The following RET variants were observed in gnomAD, a reference collection of about 807,000 sequenced individuals.
RET encodes proto-oncogene tyrosine-protein kinase receptor Ret.
A neutral mutation model predicts 118.3 loss-of-function variants in RET; 19 were observed. The ratio of observed to expected loss-of-function variants is 0.16; its 90% CI spans 0.11 to 0.24. The LOEUF (loss-of-function observed/expected upper bound fraction) is 0.24, where lower values mean the gene tolerates loss of function less well. RET is among the 10% of genes least tolerant of loss of function. The pLI is 1.00. For missense variants in RET, 1,219 were observed against 1,502.1 expected, an observed-to-expected ratio of 0.81 and a Z score of 3.12; for synonymous variants, 597 against 644.1, an observed-to-expected ratio of 0.93 and a Z score of 1.11.
At position 43,111,399 on chromosome 10, in the gene RET, G is replaced by T. The variant is rs1588871361; in HGVS notation, c.1456G>T (p.Val486Leu). ...PKCAELHYMVVATDQQTSRQA... is the reference protein window; with the variant it reads ...PKCAELHYMVLATDQQTSRQA... ...GTGTGCCGAACTTCACTACATGGTGGTGGCCACCGACCAGCAGACCTCTAG... is the reference window on the plus strand; with the variant it reads ...GTGTGCCGAACTTCACTACATGGTGTTGGCCACCGACCAGCAGACCTCTAG... The change falls in exon 7 of 20, where the codon GTG becomes TTG. Residue 486 changes from valine (V) to leucine (L), a missense_variant. Val to Leu is a conservative substitution (Grantham distance 32). Transcript: ENST00000355710. 2 of 1,614,016 alleles carry T rather than the reference G, an allele frequency of 1.2e-6. No homozygotes were observed. The highest frequency in any genetic ancestry group is 1.7e-6 in the Non-Finnish European group (2 of 1,180,028).
rs546866208 is a variant in RET, at chr10:43,109,085, C to A, written c.1118C>A (p.Ala373Glu). The A allele has an allele frequency of 1.2e-6, 2 of 1,613,756 alleles. No individual in the cohort carries two copies. Among genetic ancestry groups the A allele is most frequent in the Non-Finnish European group, 1.7e-6 (2 of 1,180,024 alleles). The change falls in exon 6 of 20, where the codon GCG becomes GAG. Residue 373 changes from alanine (A) to glutamate (E), a missense_variant. Ala to Glu is a moderately radical substitution (Grantham distance 107, BLOSUM62 -1). Transcript: ENST00000355710. ...TCGGAGAACCGCACCATGCAGCTGG[C>A]GGTGCTGGTCAATGACTCAGACTTC... Reference protein sequence around the residue: ...SISENRTMQLAVLVNDSDFQG... With the variant: ...SISENRTMQLEVLVNDSDFQG...
In RET at chr10:43,106,837, C is replaced by T. The variant is rs936134324; in HGVS notation, c.1063+266C>T. On this transcript the variant is annotated intron_variant, in intron 5 of 19. Transcript: ENST00000355710. This position sits in a 1 kb window ranked among gnomAD's most constrained non-coding sequence, Gnocchi z 5.1. ...GGGCCCCACCACACCCCCCTGCTGA[C>T]CTCACCAGGGCTCACCACCGACTGC... Among the ~76,000 whole-genome samples, 4 of 152,144 alleles carry T rather than the reference C, an allele frequency of 2.6e-5. No individual in the cohort carries two copies. Among genetic ancestry groups the T allele is most frequent in the Non-Finnish European group, 5.9e-5 (4 of 68,022 alleles).
chr10:43,118,996 G>A (rs948848141), intron 13 of RET, among the ~76,000 whole-genome samples: 2 of 152,224 alleles, frequency 1.3e-5, no homozygotes, highest in East Asian at 1.9e-4. Context: ...CCCAGCATGC[G>A]TGTGTGGGTG....
chr10:43,089,757 C>G (rs1236334669), intron 1 of RET, among the ~76,000 whole-genome samples: 1 of 152,240 alleles, frequency 6.6e-6, no homozygotes, highest in Non-Finnish European at 1.5e-5. Context: ...CGGGGCCCTC[C>G]TCTGGCTCAT....
chr10:43,085,995 C>G (rs1837280737), intron 1 of RET, among the ~76,000 whole-genome samples: 1 of 152,214 alleles, frequency 6.6e-6, no homozygotes. Flanking sequence ...AGAGCAGACC[C>G]TCAAGCCTTT....
intron 1 of RET, among the ~76,000 whole-genome samples, chr10:43,091,875 G>A (rs1837419335): frequency 6.8e-6 from 1 of 146,988 alleles, no homozygotes; most frequent in Non-Finnish European, 1.5e-5. Flanking sequence ...TGAAGAAACT[G>A]AACCCTTGCG....
At chr10:43,098,679 C>T (rs1240992030) in intron 1 of RET, among the ~76,000 whole-genome samples, 1 of 152,218 alleles carries the variant, frequency 6.6e-6, no homozygotes, top group African/African-American at 2.4e-5. Flanking sequence ...ACCTAGGCCT[C>T]CGAAAGTATT....
chr10:43,077,483 C>A, intron 1 of RET, 152 bp downstream of exon 1: 1 of 728,010 alleles, frequency 1.4e-6, no homozygotes, highest in Non-Finnish European at 1.8e-6. Context: ...AGCGCAGTGG[C>A]TGCGGCGGGC....
chr10:43,121,916 T>C (rs761773540), intron 15 of RET, 30 bp from the exon 16 acceptor site: 1 of 1,563,794 alleles, frequency 6.4e-7, no homozygotes, highest in Non-Finnish European at 8.8e-7. Context: ...TTAGAGTAAC[T>C]TCAATGTCTT....
At chr10:43,107,559 TCACA>T (rs59876947) in intron 5 of RET, among the ~76,000 whole-genome samples, 22,616 of 140,468 alleles carry the variant, frequency 0.16, 1,788 homozygotes, top group African/African-American at 0.19. Context: ...CCCCCATGCC[TCACA>T]CACACACACA....
chr10:43,083,473 C>T (rs958749745), intron 1 of RET, among the ~76,000 whole-genome samples: 44 of 152,324 alleles, frequency 2.9e-4, no homozygotes, highest in African/African-American at 1.0e-3. Context: ...GCCCTTGTGC[C>T]TGGCTATGTG....
intron 3 of RET, chr10:43,102,862 T>C (rs1837673112): frequency 1.2e-5 from 7 of 604,528 alleles, no homozygotes; most frequent in Non-Finnish European, 2.0e-5. Context: ...CTTTCATTCT[T>C]GTGGGGCAGA....
rs1205703835 is a variant in RET, at chr10:43,102,489, C to G, written c.485C>G (p.Pro162Arg). The stretch of plus-strand genomic sequence containing the variant: ...TTTCCAGCCTGCAGCTCCCTCAAGC[C>G]CCGGGAGCTCTGCTTCCCAGAGACA... ...TSFPACSSLK[P>R]RELCFPETRP... Residue 162 changes from proline to arginine, a missense_variant, in exon 3 of 20, where the codon CCC becomes CGC. Pro to Arg is a moderately radical substitution (Grantham distance 103, BLOSUM62 -2). Around this residue, in one of 5 missense-constraint regions of RET, gnomAD observed 850 missense variants for 969.6 expected, o/e 0.88. Transcript: ENST00000355710. 4.3e-6 allele frequency: 7 copies of G among 1,614,210 alleles called. No homozygotes were observed. Among genetic ancestry groups the G allele is most frequent in the Non-Finnish European group, 5.9e-6 (7 of 1,180,034 alleles).
chr10:43,095,037 A>C (rs1837493792), intron 1 of RET, among the ~76,000 whole-genome samples: 1 of 152,066 alleles, frequency 6.6e-6, no homozygotes, highest in South Asian at 2.1e-4. Flanking sequence ...GGGGGTGGGG[A>C]GAGCTCTGTG....
chr10:43,103,543 C>T (rs2132691424), intron 3 of RET, among the ~76,000 whole-genome samples: 1 of 152,250 alleles, frequency 6.6e-6, no homozygotes, highest in African/African-American at 2.4e-5. Context: ...GGAAGTGGGG[C>T]TCAACCAGGT....
chr10:43,087,648 A>G (rs1588854871), intron 1 of RET, among the ~76,000 whole-genome samples: 1 of 152,200 alleles, frequency 6.6e-6, no homozygotes, highest in Admixed American at 6.5e-5. Context: ...AGGGGCTTCT[A>G]TGGACTCCAG....
At chr10:43,127,084 T>C (rs1838351925) in intron 19 of RET, 2 of 1,192,980 alleles carry the variant, frequency 1.7e-6, no homozygotes, top group Non-Finnish European at 2.1e-6. Context: ...TGGATAAATA[T>C]ACAAATCTGG....
At chr10:43,092,849 G>T (rs919436369) in intron 1 of RET, among the ~76,000 whole-genome samples, 6 of 152,206 alleles carry the variant, frequency 3.9e-5, no homozygotes, top group African/African-American at 1.2e-4. Context: ...TGCACAGGGC[G>T]CATCCACACA....
chr10:43,117,810 AG>A (rs761639977), intron 12 of RET, among the ~76,000 whole-genome samples: 1 of 152,194 alleles, frequency 6.6e-6, no homozygotes, highest in Non-Finnish European at 1.5e-5. Context: ...GCTTTATCTC[AG>A]GTGCTAATGT....
Sources: gnomAD v4.1 joint callset for allele counts (sites outside exome capture counted in the v4.1 genomes callset) on GRCh38, gnomAD v4.1.1 for gene constraint, gnomAD v4.1.1 regional missense constraint, Gnocchi (gnomAD v3.1) non-coding constraint, MANE v1.5 for transcripts, NCBI Gene and HGNC (gene_info 2026-07-23, HGNC 2026-07-21) for gene names.